Variants in FHIP1A observed in about 807,000 individuals in gnomAD.
FHIP1A encodes FHF complex subunit HOOK-interacting protein 1A.
FHIP1A carries 61 observed loss-of-function variants against 88.6 expected under a neutral mutation model. That is an observed-to-expected ratio of 0.69 (90% CI 0.56 to 0.85). The LOEUF is 0.85. Ranked by LOEUF, FHIP1A falls within the 40% of genes least tolerant of loss-of-function variation. FHIP1A has a pLI of 0.00. For missense variants in FHIP1A, 1,154 were observed against 1,273.5 expected, an observed-to-expected ratio of 0.91 and a Z score of 1.43; for synonymous variants, 478 against 496.0, an observed-to-expected ratio of 0.96 and a Z score of 0.48.
At chr4:151,485,398 C>T (rs1730047512) in intron 3 of FHIP1A, among the ~76,000 whole-genome samples, 1 of 148,250 alleles carries the variant, frequency 6.7e-6, no homozygotes, top group African/African-American at 2.5e-5. Flanking sequence ...TTCTGAAATA[C>T]CCTTGTCTTG....
rs566619907 is a variant in FHIP1A, at chr4:151,478,356, C to A, written c.-247-4168C>A. ...GCTGAAGACATGCCTAGCCTCATTT[C>A]AAAAAAAATCTACATGTAGCACATG... is the stretch of plus-strand genomic sequence containing the variant. On this transcript the variant is annotated intron_variant, in intron 2 of 13. Coordinates refer to ENST00000435205, the MANE Select transcript of FHIP1A (RefSeq NM_001109977.3). Among the ~76,000 whole-genome samples, 228 of 152,038 alleles carry A rather than the reference C, an allele frequency of 1.5e-3. 1 individual carries two copies. Among genetic ancestry groups the A allele is most frequent in the African/African-American group, 4.7e-3 (196 of 41,478 alleles).
At chr4:151,501,104 A>G (rs1311943552) in intron 3 of FHIP1A, among the ~76,000 whole-genome samples, 2 of 152,234 alleles carry the variant, frequency 1.3e-5, no homozygotes, top group African/African-American at 4.8e-5. Flanking sequence ...ATCAGCAGTA[A>G]TAAAGGCAAT....
intron 5 of FHIP1A, among the ~76,000 whole-genome samples, chr4:151,580,753 G>A (rs983105559): frequency 2.0e-5 from 3 of 152,186 alleles, no homozygotes; most frequent in African/African-American, 4.8e-5. Context: ...TACATCAGTG[G>A]AATACTTTTC....
intron 3 of FHIP1A, among the ~76,000 whole-genome samples, chr4:151,485,723 C>G (rs1039928498): frequency 2.6e-5 from 4 of 151,964 alleles, no homozygotes; most frequent in African/African-American, 9.7e-5. Flanking sequence ...TCCTGAGTAG[C>G]TGGTATGACA....
At chr4:151,633,922 A>G (rs1177097262) in intron 8 of FHIP1A, among the ~76,000 whole-genome samples, 3 of 151,828 alleles carry the variant, frequency 2.0e-5, no homozygotes, top group Non-Finnish European at 4.4e-5. Flanking sequence ...TAGAGGTCCT[A>G]GCCAGAGCAA....
intron 3 of FHIP1A, among the ~76,000 whole-genome samples, chr4:151,491,503 G>T (rs554866798): frequency 1.3e-5 from 2 of 151,766 alleles, no homozygotes; most frequent in South Asian, 2.1e-4. Flanking sequence ...AAATCTTGAC[G>T]CAAAACCTCA....
chr4:151,474,062 T>G (rs187132491), intron 2 of FHIP1A, among the ~76,000 whole-genome samples: 3 of 152,346 alleles, frequency 2.0e-5, no homozygotes, highest in African/African-American at 7.2e-5. Flanking sequence ...TAAATTTTAC[T>G]GCTTTCCATT....
chr4:151,631,462 G>T (rs1023342705), intron 8 of FHIP1A, among the ~76,000 whole-genome samples: 15 of 151,990 alleles, frequency 9.9e-5, no homozygotes, highest in Non-Finnish European at 5.9e-5. Flanking sequence ...GAAATTAAAA[G>T]AACTACTCAC....
intron 5 of FHIP1A, among the ~76,000 whole-genome samples, chr4:151,583,735 TA>T (rs1303366701): frequency 6.6e-6 from 1 of 152,166 alleles, no homozygotes; most frequent in African/African-American, 2.4e-5. Flanking sequence ...GTAATTGATT[TA>T]AAAAAATGTG....
rs1471719451 is a variant in FHIP1A, at chr4:151,590,542, TCTC to T, written c.978+1618_978+1620del. On this transcript the variant is annotated intron_variant, in intron 7 of 13. Transcript: ENST00000435205. ...ATGTGCTATTGCTTGCTTAATGTCT[TCTC>T]CACAGTGGTATGCGTGCTTTCAGTT... Among the ~76,000 whole-genome samples, 20 of 152,230 alleles carry T rather than the reference TCTC, an allele frequency of 1.3e-4. 1 individual carries two copies. Among genetic ancestry groups the T allele is most frequent in the Non-Finnish European group, 1.5e-5 (1 of 68,036 alleles).
At chr4:151,428,930 G>T (rs1733488527) in intron 1 of FHIP1A, among the ~76,000 whole-genome samples, 1 of 152,124 alleles carries the variant, frequency 6.6e-6, no homozygotes, top group Admixed American at 6.5e-5. Context: ...CCTTAGGGAA[G>T]TCTTTACCCT....
intron 5 of FHIP1A, among the ~76,000 whole-genome samples, chr4:151,580,749 A>G (rs1733989516): frequency 6.6e-6 from 1 of 152,214 alleles, no homozygotes; most frequent in Non-Finnish European, 1.5e-5. Flanking sequence ...TTCATACATC[A>G]GTGGAATACT....
At chr4:151,511,530 G>A (rs1300995439) in intron 3 of FHIP1A, among the ~76,000 whole-genome samples, 2 of 152,238 alleles carry the variant, frequency 1.3e-5, no homozygotes, top group Non-Finnish European at 2.9e-5. Context: ...CCCTTTCCTA[G>A]TCAAAGAAAG....
intron 3 of FHIP1A, among the ~76,000 whole-genome samples, chr4:151,545,861 A>G (rs1408318190): frequency 6.6e-6 from 1 of 152,206 alleles, no homozygotes; most frequent in African/African-American, 2.4e-5. Flanking sequence ...GAATGCCTGA[A>G]TGCTGTTATG....
At chr4:151,439,117 A>G (rs1266956924) in intron 1 of FHIP1A, among the ~76,000 whole-genome samples, 1 of 152,180 alleles carries the variant, frequency 6.6e-6, no homozygotes, top group Admixed American at 6.6e-5. Flanking sequence ...CGTTTTCCAC[A>G]TATAAATATG....
intron 3 of FHIP1A, among the ~76,000 whole-genome samples, chr4:151,525,294 C>T (rs1272786257): frequency 1.3e-5 from 2 of 152,246 alleles, no homozygotes; most frequent in Admixed American, 6.5e-5. Flanking sequence ...ATGGCTAAAC[C>T]AGGCTGCACT....
intron 3 of FHIP1A, among the ~76,000 whole-genome samples, chr4:151,494,012 T>C (rs992275391): frequency 6.6e-6 from 1 of 152,144 alleles, no homozygotes; most frequent in Non-Finnish European, 1.5e-5. Context: ...GGCATCCAAA[T>C]TGGTAAAGAG....
chr4:151,511,981 T>C (rs1030418685), intron 3 of FHIP1A, among the ~76,000 whole-genome samples: 2 of 152,182 alleles, frequency 1.3e-5, no homozygotes, highest in Admixed American at 6.5e-5. Context: ...GCAGACTGCC[T>C]CCTCAAGTGG....
chr4:151,644,467 T>G (rs1736712069), intron 9 of FHIP1A, among the ~76,000 whole-genome samples: 1 of 152,092 alleles, frequency 6.6e-6, no homozygotes, highest in Non-Finnish European at 1.5e-5. Flanking sequence ...TCCTCCTACC[T>G]CAGCCTCCCG....
Sources: allele counts gnomAD v4.1 joint callset (sites outside exome capture counted in the v4.1 genomes callset), GRCh38; gene constraint gnomAD v4.1.1; transcripts MANE v1.5; gene names NCBI Gene and HGNC (gene_info 2026-07-23, HGNC 2026-07-21).